NCOA1: variants seen among roughly 807,000 people sequenced by gnomAD.
NCOA1 encodes the protein Hin-2 protein.
A neutral mutation model predicts 150.9 loss-of-function variants in NCOA1; 35 were observed. That is an observed-to-expected ratio of 0.23 (90% CI 0.18 to 0.31). The LOEUF (loss-of-function observed/expected upper bound fraction) is 0.31. Ranked by LOEUF, NCOA1 falls within the 10% of genes least tolerant of loss-of-function variation. The pLI, the probability that NCOA1 is intolerant of heterozygous loss-of-function variation, is 1.00. For missense variants in NCOA1, 1,491 were observed against 1,749.3 expected, an observed-to-expected ratio of 0.85 and a Z score of 2.63; for synonymous variants, 590 against 630.0, an observed-to-expected ratio of 0.94 and a Z score of 0.95.
chr2:24,700,078 G>A (rs1031603587), intron 11 of NCOA1, among the ~76,000 whole-genome samples: 2 of 151,764 alleles, frequency 1.3e-5, no homozygotes, highest in African/African-American at 4.8e-5. Flanking sequence ...GGGAGGTGGA[G>A]GTTGCGGTGA....
At chr2:24,636,714 T>C (rs1173097268) in intron 3 of NCOA1, among the ~76,000 whole-genome samples, 2 of 152,100 alleles carry the variant, frequency 1.3e-5, no homozygotes, top group Non-Finnish European at 2.9e-5. Flanking sequence ...GAACTTGCAG[T>C]ATTTTACCAT....
chr2:24,657,777 G>A (rs766022535), intron 4 of NCOA1, among the ~76,000 whole-genome samples: 1 of 152,192 alleles, frequency 6.6e-6, no homozygotes, highest in African/African-American at 2.4e-5. Context: ...AAAAGCTAAA[G>A]GTTCTCCCAT....
At chr2:24,599,118 A>G (rs1668001269) in intron 3 of NCOA1, among the ~76,000 whole-genome samples, 1 of 152,216 alleles carries the variant, frequency 6.6e-6, no homozygotes, top group Non-Finnish European at 1.5e-5. Context: ...GATTTTGCCT[A>G]AATTGTCAAT....
At chr2:24,697,569 A>G (rs1238417781) in intron 10 of NCOA1, 89 bp from the exon 11 acceptor site, 1 of 1,164,912 alleles carries the variant, frequency 8.6e-7, no homozygotes, top group African/African-American at 1.6e-5. Flanking sequence ...TTTGGAAAGA[A>G]TATTTCTTAG....
intron 1 of NCOA1, among the ~76,000 whole-genome samples, chr2:24,502,256 T>C (rs947492479): frequency 2.0e-5 from 3 of 152,358 alleles, no homozygotes; most frequent in South Asian, 4.1e-4. Context: ...GACCTATCTT[T>C]AGCATCTGAA....
intron 17 of NCOA1, among the ~76,000 whole-genome samples, chr2:24,731,428 AT>A (rs879636787): frequency 1.4e-4 from 22 of 152,218 alleles, no homozygotes; most frequent in Non-Finnish European, 2.1e-4. Flanking sequence ...AGCTTGTAGC[AT>A]AATGCCTGGC....
chr2:24,556,536 A>G (rs1253228273), intron 1 of NCOA1, among the ~76,000 whole-genome samples: 2 of 152,194 alleles, frequency 1.3e-5, no homozygotes, highest in Non-Finnish European at 2.9e-5. Flanking sequence ...AATTTATAAG[A>G]AAAAGGCAAC....
intron 19 of NCOA1, among the ~76,000 whole-genome samples, chr2:24,748,579 G>A (rs1188782792): frequency 5.0e-5 from 7 of 139,170 alleles, no homozygotes; most frequent in Admixed American, 4.6e-4. Flanking sequence ...TCACGCCATT[G>A]TACTCCAGCC....
intron 13 of NCOA1, among the ~76,000 whole-genome samples, chr2:24,709,325 G>A (rs755117388): frequency 6.6e-6 from 1 of 152,044 alleles, no homozygotes. Flanking sequence ...TTTTCCTAGT[G>A]TATCAGTATT....
At chr2:24,543,107 C>T (rs1245207773) in intron 1 of NCOA1, among the ~76,000 whole-genome samples, 1 of 152,174 alleles carries the variant, frequency 6.6e-6, no homozygotes, top group Non-Finnish European at 1.5e-5. Context: ...GCTCATGATT[C>T]TGCAGGCTGG....
chr2:24,701,941 C>A (rs977506525), intron 11 of NCOA1, among the ~76,000 whole-genome samples: 1 of 152,048 alleles, frequency 6.6e-6, no homozygotes, highest in East Asian at 1.9e-4. Context: ...ACCCAGGAGG[C>A]GGAGGTTGCA....
intron 14 of NCOA1, among the ~76,000 whole-genome samples, chr2:24,712,451 A>C (rs2148606957): frequency 6.6e-6 from 1 of 152,350 alleles, no homozygotes; most frequent in Non-Finnish European, 1.5e-5. Context: ...ATATAAGTAC[A>C]AAAGCCATTC....
chr2:24,594,384 G>C (rs1250124231), intron 3 of NCOA1, among the ~76,000 whole-genome samples: 4 of 152,086 alleles, frequency 2.6e-5, no homozygotes, highest in Non-Finnish European at 5.9e-5. Flanking sequence ...TGGGGGTATT[G>C]CTGTCACAAT....
rs1220692401 is a variant in NCOA1, at chr2:24,626,220, G to A, written c.-174-17746G>A. ...TGATAATGGGAGACCTTGAATGCAA[G>A]GTAGCAAGTGTGAATTCTTTATGGA... On this transcript the variant is annotated intron_variant, in intron 3 of 22. Transcript: ENST00000348332. Among the ~76,000 whole-genome samples, 4 of 152,178 alleles carry A rather than the reference G, an allele frequency of 2.6e-5. No individual in the cohort carries two copies. In the East Asian group the frequency reaches 5.8e-4, roughly 22 times the overall value.
chr2:24,627,122 T>G (rs1173620085), intron 3 of NCOA1, among the ~76,000 whole-genome samples: 1 of 15,868 alleles, frequency 6.3e-5, no homozygotes, highest in African/African-American at 1.3e-4. Flanking sequence ...TTTTTTGCTG[T>G]TTTTTTTTTT....
intron 3 of NCOA1, among the ~76,000 whole-genome samples, chr2:24,593,393 G>A (rs537396074): frequency 2.0e-5 from 3 of 152,222 alleles, no homozygotes; most frequent in African/African-American, 4.8e-5. Context: ...CATAAAAGGA[G>A]CATGATGGGA....
Position 24,654,070 on chromosome 2 carries a change from T to G in NCOA1, c.-17-4591T>G, listed in dbSNP as rs371224271. Among the ~76,000 whole-genome samples the G allele has an allele frequency of 5.9e-5, 9 of 152,360 alleles. No homozygotes were observed. The South Asian group carries it at 1.7e-3, about 28-fold the overall frequency. The stretch of plus-strand genomic sequence containing the variant: ...CTTATGTGAACTTTGGTTAATCTTA[T>G]TTATGCTTCTGTGAATCTCTGCAGG... On this transcript the variant is annotated intron_variant, in intron 4 of 22. Coordinates refer to ENST00000348332, the MANE Select transcript of NCOA1 (RefSeq NM_003743.5).
intron 5 of NCOA1, 28 bp from the exon 6 acceptor site, chr2:24,665,721 C>T: frequency 6.8e-7 from 1 of 1,471,014 alleles, no homozygotes; most frequent in South Asian, 1.5e-5. Context: ...TACAAATGTA[C>T]ACTAACTGGA....
At chr2:24,574,820 T>G (rs963699026) in intron 2 of NCOA1, among the ~76,000 whole-genome samples, 1 of 152,196 alleles carries the variant, frequency 6.6e-6, no homozygotes, top group Non-Finnish European at 1.5e-5. Context: ...TGTTTTCTTA[T>G]TTGTATAATT....
Sources: gnomAD v4.1 joint callset for allele counts (sites outside exome capture counted in the v4.1 genomes callset) on GRCh38, gnomAD v4.1.1 for gene constraint, MANE v1.5 for transcripts, NCBI Gene and HGNC (gene_info 2026-07-23, HGNC 2026-07-21) for gene names.